Variants in CYP39A1 observed in about 807,000 individuals in gnomAD.
CYP39A1 encodes 24-hydroxycholesterol 7-alpha-hydroxylase.
A neutral mutation model predicts 58.1 loss-of-function variants in CYP39A1; 49 were observed. The observed-to-expected ratio is 0.84, with a 90% CI of 0.67 to 1.07. The LOEUF (loss-of-function observed/expected upper bound fraction) is 1.07, where lower values mean the gene tolerates loss of function less well. CYP39A1 is among the 50% of genes least tolerant of loss of function. CYP39A1 has a pLI of 0.00. For missense variants in CYP39A1, 531 were observed against 539.4 expected (o/e 0.98, Z 0.16); for synonymous variants, 209 against 187.6 (o/e 1.11, Z -0.93).
intron 6 of CYP39A1, 120 bp downstream of exon 6, chr6:46,630,843 G>GT (rs1481487593): frequency 8.6e-6 from 7 of 813,696 alleles, no homozygotes; most frequent in Non-Finnish European, 1.4e-5. Context: ...ATCCACTGTA[G>GT]TTTTTTTCTT....
At chr6:46,596,232 C>G in intron 7 of CYP39A1, 112 bp from the exon 8 acceptor site, 1 of 695,068 alleles carries the variant, frequency 1.4e-6, no homozygotes, top group Non-Finnish European at 2.3e-6. Context: ...GTAAAGTGTT[C>G]CTATTACTAT....
At chr6:46,616,269 T>TTCCTTCCTTCCTTCCC (rs1774598544) in intron 7 of CYP39A1, among the ~76,000 whole-genome samples, 1 of 116,214 alleles carries the variant, frequency 8.6e-6, no homozygotes, top group Non-Finnish European at 1.7e-5. Context: ...TCTTCCTTCC[T>TTCCTTCCTTCCTTCCC]TCCTTCCTTC....
chr6:46,605,707 G>A (rs754680036), intron 7 of CYP39A1, among the ~76,000 whole-genome samples: 1 of 152,082 alleles, frequency 6.6e-6, no homozygotes, highest in Non-Finnish European at 1.5e-5. Context: ...AACCTGAGAT[G>A]GGGTCCAAAC....
At chr6:46,626,967 A>T (rs1320581196) in intron 6 of CYP39A1, among the ~76,000 whole-genome samples, 12 of 152,182 alleles carry the variant, frequency 7.9e-5, no homozygotes, top group Admixed American at 7.9e-4. Context: ...GTAATTTATA[A>T]ACAAAAGAGG....
At chr6:46,598,084 G>T (rs1356499295) in intron 7 of CYP39A1, among the ~76,000 whole-genome samples, 1 of 152,048 alleles carries the variant, frequency 6.6e-6, no homozygotes, top group Non-Finnish European at 1.5e-5. Context: ...TGAAATATTT[G>T]CAAGATGTCA....
At chr6:46,595,935 G>A in intron 8 of CYP39A1, 52 bp downstream of exon 8, 2 of 1,559,518 alleles carry the variant, frequency 1.3e-6, no homozygotes, top group Non-Finnish European at 8.7e-7. Flanking sequence ...TGGGCAAAAT[G>A]TGTACTTTTT....
chr6:46,633,023 CT>C (rs1775754968), intron 5 of CYP39A1, among the ~76,000 whole-genome samples: 1 of 152,144 alleles, frequency 6.6e-6, no homozygotes, highest in Non-Finnish European at 1.5e-5. Flanking sequence ...GGATTAACTA[CT>C]CTAATCCCTA....
intron 2 of CYP39A1, among the ~76,000 whole-genome samples, chr6:46,641,730 T>C (rs1361654536): frequency 6.6e-6 from 1 of 152,108 alleles, no homozygotes; most frequent in Admixed American, 6.6e-5. Flanking sequence ...CTATAAAATT[T>C]GTCAGGAAAT....
intron 3 of CYP39A1, 122 bp from the exon 4 acceptor site, chr6:46,638,100 C>T (rs1451351696): frequency 1.0e-6 from 1 of 999,436 alleles, no homozygotes; most frequent in Non-Finnish European, 1.4e-6. Context: ...GACAGATTCT[C>T]TTGGGAAAAA....
Position 46,595,977 on chromosome 6 carries a change from C to T in CYP39A1, c.1065+10G>A, listed in dbSNP as rs551235807. On this transcript the variant is annotated intron_variant, in intron 8 of 11. Transcript: ENST00000275016. Reference sequence around the variant, plus strand: ...AAGGTTGATTCATTTAAAACCAAACCAAAGCTTACCAAAATTTCCACAGGC... The same window carrying T: ...AAGGTTGATTCATTTAAAACCAAACTAAAGCTTACCAAAATTTCCACAGGC... 48 of 1,605,674 alleles carry T rather than the reference C, an allele frequency of 3.0e-5. 1 individual carries two copies. Among genetic ancestry groups the T allele is most frequent in the South Asian group, 2.4e-4 (21 of 88,438 alleles).
intron 1 of CYP39A1, among the ~76,000 whole-genome samples, chr6:46,644,724 GT>G (rs1776548223): frequency 6.6e-6 from 1 of 152,174 alleles, no homozygotes; most frequent in African/African-American, 2.4e-5. Flanking sequence ...CTGAGAAAGT[GT>G]TTTCTGGAGT....
intron 10 of CYP39A1, among the ~76,000 whole-genome samples, chr6:46,570,283 A>G (rs1050818812): frequency 6.6e-6 from 1 of 151,812 alleles, no homozygotes; most frequent in African/African-American, 2.4e-5. Flanking sequence ...TAACTGAAAA[A>G]CCTTTTTGTT....
intron 7 of CYP39A1, among the ~76,000 whole-genome samples, chr6:46,597,774 G>A (rs1464343332): frequency 6.6e-6 from 1 of 152,118 alleles, no homozygotes; most frequent in Admixed American, 6.6e-5. Context: ...ACATCCGGAG[G>A]CTAGAGAAAT....
At chr6:46,623,029 C>G (rs1289703738) in intron 7 of CYP39A1, among the ~76,000 whole-genome samples, 1 of 152,080 alleles carries the variant, frequency 6.6e-6, no homozygotes, top group East Asian at 1.9e-4. Context: ...AGTGTTGAAG[C>G]CACAGAGATA....
At chr6:46,617,189 A>T (rs1300270538) in intron 7 of CYP39A1, among the ~76,000 whole-genome samples, 1 of 152,134 alleles carries the variant, frequency 6.6e-6, no homozygotes, top group Admixed American at 6.6e-5. Flanking sequence ...TGGGTTATAA[A>T]TATGGTAGTC....
intron 7 of CYP39A1, among the ~76,000 whole-genome samples, chr6:46,601,509 T>C (rs1773505107): frequency 6.6e-6 from 1 of 152,152 alleles, no homozygotes; most frequent in African/African-American, 2.4e-5. Flanking sequence ...TATGTGACCT[T>C]TGTAAATTAT....
Position 46,620,848 on chromosome 6 carries a change from T to C in CYP39A1, c.931+4570A>G, listed in dbSNP as rs1476715345. On this transcript the variant is annotated intron_variant, in intron 7 of 11. Transcript: ENST00000275016. Reference sequence around the variant, plus strand: ...CTAAATAATGGAGCAGAGACTTCTGTGGCCACCCATGACAAAGAATGCAAA... The same window carrying C: ...CTAAATAATGGAGCAGAGACTTCTGCGGCCACCCATGACAAAGAATGCAAA... 2.0e-5 allele frequency among the ~76,000 whole-genome samples: 3 copies of C among 152,276 alleles called. No homozygotes were observed. In the East Asian group the frequency reaches 5.8e-4, roughly 29 times the overall value.
chr6:46,588,942 G>A (rs1370085279), intron 8 of CYP39A1, among the ~76,000 whole-genome samples: 1 of 152,078 alleles, frequency 6.6e-6, no homozygotes, highest in Non-Finnish European at 1.5e-5. Context: ...TCATCACCAT[G>A]TTCAGGAATC....
chr6:46,564,860 T>A (rs1771186834), intron 10 of CYP39A1, among the ~76,000 whole-genome samples: 1 of 152,182 alleles, frequency 6.6e-6, no homozygotes. Flanking sequence ...GCCCCGGAAT[T>A]CAGAGAAGGT....
Sources: allele counts gnomAD v4.1 joint callset (sites outside exome capture counted in the v4.1 genomes callset), GRCh38; gene constraint gnomAD v4.1.1; transcripts MANE v1.5; gene names NCBI Gene and HGNC (gene_info 2026-07-23, HGNC 2026-07-21).